Variants in TASOR observed in about 807,000 individuals in gnomAD.
TASOR encodes transcription activation suppressor.
TASOR carries 53 observed loss-of-function variants against 178.6 expected under a neutral mutation model. That is an observed-to-expected ratio of 0.30 (90% CI 0.24 to 0.37). TASOR has a LOEUF of 0.37. Ranked by LOEUF, TASOR falls within the 10% of genes least tolerant of loss-of-function variation. The probability of loss-of-function intolerance (pLI) is 1.00; values close to 1 mark genes in which losing one functional copy is unlikely to be tolerated. For missense variants in TASOR, 1,815 were observed against 1,971.4 expected, an observed-to-expected ratio of 0.92 and a Z score of 1.50; for synonymous variants, 713 against 696.2, an observed-to-expected ratio of 1.02 and a Z score of -0.38.
chr3:56,660,120 TA>T (rs1209991488), intron 11 of TASOR, among the ~76,000 whole-genome samples: 2 of 151,938 alleles, frequency 1.3e-5, no homozygotes, highest in African/African-American at 4.8e-5. Context: ...CTTGGCCTCC[TA>T]AAGTGCTGGG....
At chr3:56,680,564 T>C (rs908308940) in intron 1 of TASOR, among the ~76,000 whole-genome samples, 1 of 90,396 alleles carries the variant, frequency 1.1e-5, no homozygotes, top group African/African-American at 8.0e-5. Flanking sequence ...GAACCTGCAC[T>C]GTTTTTGAAT....
intron 2 of TASOR, 61 bp from the exon 3 acceptor site, chr3:56,671,753 G>A (rs1462964126): frequency 7.6e-7 from 1 of 1,311,602 alleles, no homozygotes; most frequent in African/African-American, 1.5e-5. Context: ...CAAGCTACAA[G>A]TTTTATTTTT....
At position 56,660,882 on chromosome 3, in the gene TASOR, T is replaced by C. The variant is rs140590933; in HGVS notation, c.1264+32A>G. ...TAAATATCCAAATCAAGTCTGCTTC[T>C]AATGCATTTCAATAAAATTAAATTA... On this transcript the variant is annotated intron_variant, in intron 10 of 23. Transcript: ENST00000683822. The C allele has an allele frequency of 9.2e-5, 147 of 1,606,036 alleles. No homozygotes were observed. In the East Asian group the frequency reaches 2.9e-3, roughly 31 times the overall value.
At chr3:56,676,661 C>T (rs546772311) in intron 1 of TASOR, among the ~76,000 whole-genome samples, 67 of 152,306 alleles carry the variant, frequency 4.4e-4, no homozygotes, top group African/African-American at 1.6e-3. Context: ...CTGCCAATTT[C>T]TATGAAATGT....
intron 3 of TASOR, 77 bp downstream of exon 3, chr3:56,671,523 C>T: frequency 9.7e-7 from 1 of 1,029,108 alleles, no homozygotes; most frequent in Non-Finnish European, 1.4e-6. Flanking sequence ...GTAAAGAATA[C>T]TGTTGAATAA....
rs1340274922 is a variant in TASOR, at chr3:56,627,608, A to G, written c.4004T>C (p.Ile1335Thr). The change falls in exon 20 of 24, where the codon ATT (isoleucine) becomes ACT (threonine). Residue 1335 changes from isoleucine (I) to threonine (T), a missense_variant. Around this residue, in one of 5 missense-constraint regions of TASOR, gnomAD observed 134 missense variants for 195.2 expected, o/e 0.69. Transcript: ENST00000683822. ...AACTGTGACAACCTCTGGGTTTAGA[A>G]TTGATTCATCAGATACGATAAAACC... Reference protein sequence around the residue: ...SGGFIVSDESILNPEVVTVEN... With the variant: ...SGGFIVSDESTLNPEVVTVEN... 1.4e-5 allele frequency: 22 copies of G among 1,614,002 alleles called. No homozygotes were observed. The highest frequency in any genetic ancestry group is 1.7e-5 in the Admixed American group (1 of 60,006).
chr3:56,683,067 A>T lies in TASOR; in HGVS notation c.-61T>A. On this transcript the variant is annotated 5_prime_UTR_variant, in exon 1 of 24. Coordinates refer to ENST00000683822, the MANE Select transcript of TASOR (RefSeq NM_001365635.2). ...CACAAGGTCGACGGGTGTGGGGGGAAGGGGCGGCGGGCCAGTCTCGCCGCC... is the reference window on the plus strand; with the variant it reads ...CACAAGGTCGACGGGTGTGGGGGGATGGGGCGGCGGGCCAGTCTCGCCGCC... The T allele has an allele frequency of 2.8e-6, 4 of 1,407,962 alleles. No individual in the cohort carries two copies. The highest frequency in any genetic ancestry group is 2.6e-5 in the East Asian group (1 of 38,314). 87.2% of individuals were successfully genotyped at this position (1,407,962 alleles called of 1,614,324 possible).
Position 56,622,894 on chromosome 3 carries a change from T to A in TASOR, c.*143A>T. 2.1e-6 allele frequency: 1 copy of A among 465,924 alleles called. No homozygotes were observed. The highest frequency in any genetic ancestry group is 4.0e-5 in the Admixed American group (1 of 24,942). 28.9% of individuals were successfully genotyped at this position (465,924 alleles called of 1,614,324 possible). A position where few individuals can be genotyped will look rare whatever the true frequency, so the allele number is the denominator to read the frequency against. On this transcript the variant is annotated 3_prime_UTR_variant, in exon 24 of 24. Transcript: ENST00000683822. The stretch of plus-strand genomic sequence containing the variant: ...ATATATATTTATTTCAATTTTTAGA[T>A]GCTTCAACTGTTACAGGCCATCATG...
At position 56,647,031 on chromosome 3, in the gene TASOR, C is replaced by T; in HGVS notation, c.1706G>A (p.Gly569Asp). The T allele has an allele frequency of 6.2e-7, 1 of 1,603,166 alleles. No homozygotes were observed. The highest frequency in any genetic ancestry group is 8.5e-7 in the Non-Finnish European group (1 of 1,177,332). The part of the protein sequence containing the change: ...SEFFKRGFGS[G>D]KREFIMFPYD... ...TGGAAACATAATAAACTCTCGTTTA[C>T]CTGAACCAAAACCTCGCTTAAAAAA... The change falls in exon 14 of 24, where the codon GGT becomes GAT. Residue 569 changes from glycine to aspartate, a missense_variant. By Grantham distance (94) the Gly-to-Asp change is moderately conservative. Around this residue, in one of 5 missense-constraint regions of TASOR, gnomAD observed 504 missense variants for 645.3 expected, o/e 0.78. Coordinates refer to ENST00000683822, the MANE Select transcript of TASOR (RefSeq NM_001365635.2).
intron 23 of TASOR, chr3:56,623,924 AAACTAGT>A (rs2076742855): frequency 2.7e-6 from 3 of 1,127,090 alleles, no homozygotes; most frequent in African/African-American, 3.2e-5. Flanking sequence ...CTGGATTACT[AAACTAGT>A]TGGTTAGCAC....
At chr3:56,670,214 T>C (rs184364165) in intron 3 of TASOR, 69 bp from the exon 4 acceptor site, 2 of 981,476 alleles carry the variant, frequency 2.0e-6, no homozygotes, top group Non-Finnish European at 3.0e-6. Flanking sequence ...AATAATTTTA[T>C]AAACTTGGTT....
In TASOR at chr3:56,621,668, A is replaced by G; in HGVS notation, c.*1369T>C. The G allele has an allele frequency of 1.5e-6, 2 of 1,295,436 alleles. No homozygotes were observed. The highest frequency in any genetic ancestry group is 4.1e-5 in the Admixed American group (2 of 48,776). 80.2% of individuals were successfully genotyped at this position (1,295,436 alleles called of 1,614,324 possible). A position where few individuals can be genotyped will look rare whatever the true frequency, so the allele number is the denominator to read the frequency against. ...TTTGATTTGTGTCTTCCAAATTATA[A>G]AATGTGCTCACTGGCTCAACTGTAT... On this transcript the variant is annotated 3_prime_UTR_variant, in exon 24 of 24. Transcript: ENST00000683822.
intron 11 of TASOR, among the ~76,000 whole-genome samples, chr3:56,652,570 A>AG (rs2077374614): frequency 6.6e-6 from 1 of 152,090 alleles, no homozygotes; most frequent in Non-Finnish European, 1.5e-5. Flanking sequence ...AAAAAAAAAA[A>AG]AATGGCTAAA....
rs2077104126 is a variant in TASOR, at chr3:56,640,738, T to A, written c.2620-608A>T. On this transcript the variant is annotated intron_variant, in intron 15 of 23. Coordinates refer to ENST00000683822, the MANE Select transcript of TASOR (RefSeq NM_001365635.2). ...ATAAGCCCATAGGAATACGGTGCAA[T>A]CCTAGAACTATTCCCCAGTGATGCA... Among the ~76,000 whole-genome samples, 2 of 151,988 alleles carry A rather than the reference T, an allele frequency of 1.3e-5. 1 individual carries two copies. The highest frequency in any genetic ancestry group is 4.2e-4 in the South Asian group (2 of 4,804).
At chr3:56,649,255 G>T (rs551254824) in intron 11 of TASOR, among the ~76,000 whole-genome samples, 198 bp from the exon 12 acceptor site, 3 of 152,010 alleles carry the variant, frequency 2.0e-5, no homozygotes, top group Non-Finnish European at 2.9e-5. Context: ...AAAATTCCTT[G>T]GTTTTCATAA....
At chr3:56,662,619 A>C (rs1187276602) in intron 8 of TASOR, 129 bp from the exon 9 acceptor site, 3 of 517,130 alleles carry the variant, frequency 5.8e-6, no homozygotes, top group Admixed American at 3.7e-5. Flanking sequence ...AAAAAAAAAA[A>C]CAGTGACTCT....
chr3:56,670,175 C>T lies in TASOR; in HGVS notation c.571-30G>A, dbSNP rs755130680. 8.5e-6 allele frequency: 11 copies of T among 1,295,686 alleles called. No individual in the cohort carries two copies. The South Asian group carries it at 1.3e-4, about 16-fold the overall frequency. 80.3% of individuals were successfully genotyped at this position (1,295,686 alleles called of 1,614,324 possible). A position where few individuals can be genotyped will look rare whatever the true frequency, so the allele number is the denominator to read the frequency against. On this transcript the variant is annotated intron_variant, in intron 3 of 23. Transcript: ENST00000683822. ...ATTTAAAAAAAAATACTTCATCTTG[C>T]AGTCATAACAACATTTAAAACATGA... is the stretch of plus-strand genomic sequence containing the variant.
chr3:56,663,632 C>A, intron 7 of TASOR, 60 bp from the exon 8 acceptor site: 1 of 1,258,448 alleles, frequency 7.9e-7, no homozygotes, highest in Non-Finnish European at 1.0e-6. Flanking sequence ...TAAAAATTAA[C>A]ATGTAAGATG....
At chr3:56,653,802 T>C (rs762442026) in intron 11 of TASOR, among the ~76,000 whole-genome samples, 8 of 151,966 alleles carry the variant, frequency 5.3e-5, no homozygotes, top group Non-Finnish European at 1.2e-4. Flanking sequence ...CTCTACATCA[T>C]ATATCAAAGT....
Sources: gnomAD v4.1 joint callset for allele counts (sites outside exome capture counted in the v4.1 genomes callset) on GRCh38, gnomAD v4.1.1 for gene constraint, gnomAD v4.1.1 regional missense constraint, MANE v1.5 for transcripts, NCBI Gene and HGNC (gene_info 2026-07-23, HGNC 2026-07-21) for gene names.